FBXO4: variants seen among roughly 807,000 people sequenced by gnomAD.
The protein encoded by FBXO4 is F-box only protein 4.
FBXO4 carries 36 observed loss-of-function variants against 43.7 expected under a neutral mutation model. The ratio of observed to expected loss-of-function variants is 0.82; its 90% CI spans 0.63 to 1.09. The LOEUF (loss-of-function observed/expected upper bound fraction) is 1.09, where lower values mean the gene tolerates loss of function less well. Ranked by LOEUF, FBXO4 falls within the 50% of genes least tolerant of loss-of-function variation. The pLI is 0.00. For missense variants in FBXO4, 435 were observed against 474.1 expected (o/e 0.92, Z 0.77); for synonymous variants, 180 against 165.6 (o/e 1.09, Z -0.67).
chr5:41,995,277 G>C, the FBXO4 span, among the ~76,000 whole-genome samples: 1 of 152,166 alleles, frequency 6.6e-6, no homozygotes, highest in East Asian at 1.9e-4. Context: ...AGCATTGAAT[G>C]CAGGATAGGC....
At chr5:41,971,265 G>A in the FBXO4 span, among the ~76,000 whole-genome samples, 1 of 151,014 alleles carries the variant, frequency 6.6e-6, no homozygotes, top group South Asian at 2.1e-4. Context: ...GACCTGGAAA[G>A]GTAAACATTA....
chr5:42,031,622 A>T, the FBXO4 span, among the ~76,000 whole-genome samples: 3 of 152,050 alleles, frequency 2.0e-5, no homozygotes, highest in Non-Finnish European at 4.4e-5. Flanking sequence ...TAATAAAATT[A>T]AAAAAACAAA....
the FBXO4 span, among the ~76,000 whole-genome samples, chr5:42,024,841 G>T: frequency 6.6e-6 from 1 of 151,914 alleles, no homozygotes; most frequent in Non-Finnish European, 1.5e-5. Flanking sequence ...TTAACATAAT[G>T]ACCTCCAGTT....
At chr5:41,961,636 T>C in the FBXO4 span, among the ~76,000 whole-genome samples, 2 of 152,158 alleles carry the variant, frequency 1.3e-5, no homozygotes, top group African/African-American at 2.4e-5. Flanking sequence ...AAGATCCCTA[T>C]GGTATCTAAG....
the FBXO4 span, among the ~76,000 whole-genome samples, chr5:42,016,189 A>T: frequency 2.0e-5 from 3 of 152,154 alleles, no homozygotes; most frequent in Non-Finnish European, 4.4e-5. Flanking sequence ...GCTCATCTCC[A>T]GGTATAGAGG....
At chr5:41,934,880 T>G in intron 5 of FBXO4, 1 of 986,774 alleles carries the variant, frequency 1.0e-6, no homozygotes, top group South Asian at 4.6e-5. Flanking sequence ...GGCCATGAGC[T>G]AGTATTATAA....
At chr5:41,968,832 C>T in the FBXO4 span, among the ~76,000 whole-genome samples, 1 of 152,070 alleles carries the variant, frequency 6.6e-6, no homozygotes, top group African/African-American at 2.4e-5. Flanking sequence ...ATTTCATTGA[C>T]ATCCTCATGT....
the FBXO4 span, among the ~76,000 whole-genome samples, chr5:42,032,177 G>C: frequency 6.6e-6 from 1 of 151,644 alleles, no homozygotes; most frequent in African/African-American, 2.4e-5. Flanking sequence ...TGCTGGATCA[G>C]ACCTGAAGCC....
the FBXO4 span, among the ~76,000 whole-genome samples, chr5:42,011,905 G>T: frequency 6.6e-6 from 1 of 152,120 alleles, no homozygotes; most frequent in East Asian, 1.9e-4. Flanking sequence ...GTTTTTGTGG[G>T]TTTTATTTTT....
chr5:41,934,777 G>C lies in FBXO4; in HGVS notation c.898+469G>C, dbSNP rs577227911. 97 of 1,013,464 alleles carry C rather than the reference G, an allele frequency of 9.6e-5. No individual in the cohort carries two copies. The South Asian group carries it at 3.6e-3, about 37-fold the overall frequency. The allele number at this position is 1,013,464 out of a possible 1,614,324, so 62.8% of individuals were successfully genotyped here. A position where few individuals can be genotyped will look rare whatever the true frequency, so the allele number is the denominator to read the frequency against. ...CAAATAGTAAAGAGATGTGATGGTAGGGTGTTAAGTAGATTAGTTGAGAAC... is the reference window on the plus strand; with the variant it reads ...CAAATAGTAAAGAGATGTGATGGTACGGTGTTAAGTAGATTAGTTGAGAAC... On this transcript the variant is annotated intron_variant, in intron 5 of 6. Coordinates refer to ENST00000281623, the MANE Select transcript of FBXO4 (RefSeq NM_012176.3).
the FBXO4 span, among the ~76,000 whole-genome samples, chr5:42,030,978 G>A: frequency 1.6e-4 from 24 of 152,244 alleles, no homozygotes; most frequent in South Asian, 4.8e-3. Context: ...GAGAGGATGT[G>A]GAGAAATAGG....
At chr5:41,937,712 C>T (rs1293040460) in intron 5 of FBXO4, among the ~76,000 whole-genome samples, 5 of 152,150 alleles carry the variant, frequency 3.3e-5, no homozygotes, top group Non-Finnish European at 7.4e-5. Context: ...AAGATTAAGG[C>T]ACCAGCATCT....
At chr5:41,986,399 C>G in the FBXO4 span, among the ~76,000 whole-genome samples, 2 of 152,154 alleles carry the variant, frequency 1.3e-5, no homozygotes, top group South Asian at 4.1e-4. Flanking sequence ...CTTGGAGGCA[C>G]AGGTGGAGCA....
the FBXO4 span, among the ~76,000 whole-genome samples, chr5:41,986,750 C>G: frequency 6.6e-6 from 1 of 152,090 alleles, no homozygotes; most frequent in Non-Finnish European, 1.5e-5. Context: ...CATAACACCA[C>G]AAAAACGCAA....
chr5:42,031,182 A>T, the FBXO4 span, among the ~76,000 whole-genome samples: 1 of 152,198 alleles, frequency 6.6e-6, no homozygotes, highest in African/African-American at 2.4e-5. Flanking sequence ...GGCACTATTC[A>T]CAATAGCAAA....
chr5:41,952,264 G>A, the FBXO4 span: 1 of 152,322 alleles, frequency 6.6e-6, no homozygotes, highest in African/African-American at 2.4e-5. Flanking sequence ...ACAGTGCAAA[G>A]CTGTGGGAAG....
the FBXO4 span, among the ~76,000 whole-genome samples, chr5:41,978,055 T>C: frequency 6.6e-6 from 1 of 152,172 alleles, no homozygotes; most frequent in Non-Finnish European, 1.5e-5. Context: ...TGCCAACATC[T>C]GCTTGGCTTC....
the FBXO4 span, among the ~76,000 whole-genome samples, chr5:42,024,236 T>A: frequency 6.6e-6 from 1 of 152,064 alleles, no homozygotes; most frequent in Admixed American, 6.6e-5. Context: ...TATGTGTGTG[T>A]CACCAATTAA....
At chr5:41,962,539 C>T in the FBXO4 span, among the ~76,000 whole-genome samples, 1 of 152,156 alleles carries the variant, frequency 6.6e-6, no homozygotes, top group Admixed American at 6.5e-5. Context: ...CTGTCTTTTA[C>T]TCAGTGTAAA....
Sources: gnomAD v4.1 joint callset for allele counts (sites outside exome capture counted in the v4.1 genomes callset) on GRCh38, gnomAD v4.1.1 for gene constraint, MANE v1.5 for transcripts, NCBI Gene and HGNC (gene_info 2026-07-23, HGNC 2026-07-21) for gene names.